Variants in BPI observed in about 807,000 individuals in gnomAD.
BPI encodes the protein bactericidal permeability-increasing protein.
Under a neutral mutation model 57.6 loss-of-function variants are expected in BPI, and 48 were observed. The ratio of observed to expected loss-of-function variants is 0.83; its 90% CI spans 0.66 to 1.06. The LOEUF is 1.06. BPI is among the 50% of genes least tolerant of loss of function. BPI has a pLI of 0.00. For synonymous variants in BPI, 237 were observed against 238.2 expected, an observed-to-expected ratio of 0.99 and a Z score of 0.05; for missense variants, 651 against 609.7, an observed-to-expected ratio of 1.07 and a Z score of -0.71.
chr20:38,304,244 C>T lies in BPI; in HGVS notation c.21C>T (p.Asn7=), dbSNP rs532589861. 2.9e-5 allele frequency: 47 copies of T among 1,614,166 alleles called. No homozygotes were observed. Among genetic ancestry groups the T allele is most frequent in the Admixed American group, 8.3e-5 (5 of 60,026 alleles). MARGPC[N]APRWASLMVL... Reference sequence around the variant, plus strand: ...AGAACATGGCCAGGGGCCCTTGCAACGCGCCGAGATGGGCGTCCCTGATGG... The same window carrying T: ...AGAACATGGCCAGGGGCCCTTGCAATGCGCCGAGATGGGCGTCCCTGATGG... Residue 7 remains asparagine (N), a synonymous_variant, in exon 1 of 15, where the codon AAC becomes AAT. Transcript: ENST00000642449.
intron 3 of BPI, among the ~76,000 whole-genome samples, chr20:38,309,864 C>A (rs2076613894): frequency 6.6e-6 from 1 of 152,104 alleles, no homozygotes; most frequent in African/African-American, 2.4e-5. Flanking sequence ...GGAGGAGAAA[C>A]CACCCTGGCG....
At chr20:38,328,571 G>A (rs1307755868) in intron 11 of BPI, among the ~76,000 whole-genome samples, 5 of 151,758 alleles carry the variant, frequency 3.3e-5, no homozygotes, top group Admixed American at 3.3e-4. Flanking sequence ...AATAAGCCCA[G>A]TAATTACTTT....
At chr20:38,326,187 G>A in intron 9 of BPI, 78 bp from the exon 10 acceptor site, 1 of 1,427,576 alleles carries the variant, frequency 7.0e-7, no homozygotes, top group Non-Finnish European at 9.5e-7. Context: ...ATTTAAGTAG[G>A]GGCAGGCCAA....
intron 5 of BPI, among the ~76,000 whole-genome samples, chr20:38,313,002 GT>G (rs2122505057): frequency 1.3e-5 from 2 of 152,288 alleles, no homozygotes; most frequent in South Asian, 2.1e-4. Context: ...CTCAGGGAAG[GT>G]TTTGGCTTGG....
At chr20:38,310,170 T>C (rs2122497894) in intron 3 of BPI, among the ~76,000 whole-genome samples, 1 of 152,328 alleles carries the variant, frequency 6.6e-6, no homozygotes, top group South Asian at 2.1e-4. Context: ...GGTGTCTGAC[T>C]GCTGATCCAG....
At chr20:38,315,725 C>A (rs1282072857) in intron 5 of BPI, among the ~76,000 whole-genome samples, 1 of 152,034 alleles carries the variant, frequency 6.6e-6, no homozygotes, top group Non-Finnish European at 1.5e-5. Context: ...TTTTCTCCTT[C>A]CCTCCTTCTC....
intron 5 of BPI, among the ~76,000 whole-genome samples, chr20:38,312,960 G>A (rs1056805854): frequency 2.6e-5 from 4 of 152,196 alleles, no homozygotes; most frequent in Non-Finnish European, 5.9e-5. Context: ...CAATGAGCAG[G>A]ACATTCCCCA....
At chr20:38,334,720 C>A (rs1204480972) in intron 13 of BPI, among the ~76,000 whole-genome samples, 1 of 152,196 alleles carries the variant, frequency 6.6e-6, no homozygotes, top group African/African-American at 2.4e-5. Context: ...TTTGTCCTTA[C>A]AAAACCCCCA....
rs1600698062 is a variant in BPI at position 38,308,803 on chromosome 20, C to A, written c.246-127C>A. ...AGCCTGCTTTCTTAGCTTTGGGCTC[C>A]TCCTGGAATGGATGGAGTGAAGGAC... On this transcript the variant is annotated intron_variant, in intron 2 of 14. Coordinates refer to ENST00000642449, the MANE Select transcript of BPI (RefSeq NM_001725.3). 1.3e-5 allele frequency: 17 copies of A among 1,301,590 alleles called. No individual in the cohort carries two copies. The East Asian group carries it at 4.0e-4, about 31-fold the overall frequency. 80.6% of individuals were successfully genotyped at this position (1,301,590 alleles called of 1,614,324 possible). A position where few individuals can be genotyped will look rare whatever the true frequency, so the allele number is the denominator to read the frequency against.
intron 5 of BPI, among the ~76,000 whole-genome samples, chr20:38,313,745 A>T (rs1456641892): frequency 6.6e-6 from 1 of 150,946 alleles, no homozygotes; most frequent in Non-Finnish European, 1.5e-5. Flanking sequence ...GGTGAGGATG[A>T]TAATGGTGAT....
chr20:38,320,661 T>TAC (rs369329923), intron 7 of BPI, among the ~76,000 whole-genome samples: 8,660 of 130,774 alleles, frequency 0.066, 348 homozygotes, highest in East Asian at 0.23. Context: ...TTATTACCAA[T>TAC]ACACACACAC....
chr20:38,334,714 T>C (rs2076758674), intron 13 of BPI, among the ~76,000 whole-genome samples: 2 of 152,172 alleles, frequency 1.3e-5, no homozygotes, highest in Admixed American at 1.3e-4. Context: ...CGTGAGTTTG[T>C]CCTTACAAAA....
chr20:38,305,306 GAC>G (rs775586774), intron 1 of BPI, among the ~76,000 whole-genome samples: 1 of 152,156 alleles, frequency 6.6e-6, no homozygotes. Context: ...GAAGCCTGTC[GAC>G]ACAGAGGCTC....
intron 5 of BPI, among the ~76,000 whole-genome samples, chr20:38,314,526 G>A (rs1412179138): frequency 1.4e-5 from 2 of 140,830 alleles, no homozygotes; most frequent in Non-Finnish European, 3.1e-5. Context: ...GGTGATGGTA[G>A]GGATGATGAT....
intron 5 of BPI, chr20:38,317,965 A>G (rs1269476878): frequency 3.0e-6 from 3 of 985,230 alleles, no homozygotes; most frequent in African/African-American, 3.5e-5. Flanking sequence ...GTGCCCACCT[A>G]GACTTAAGCA....
chr20:38,335,458 C>A, intron 13 of BPI, 140 bp from the exon 14 acceptor site: 1 of 729,512 alleles, frequency 1.4e-6, no homozygotes, highest in African/African-American at 1.8e-5. Context: ...TCCTTTCAGG[C>A]ATGTATGCCC....
intron 14 of BPI, 130 bp downstream of exon 14, chr20:38,335,804 T>A (rs2076765050): frequency 1.2e-6 from 1 of 843,184 alleles, no homozygotes; most frequent in Non-Finnish European, 1.9e-6. Context: ...CTCTGGGATG[T>A]GGGTGCTGTT....
At chr20:38,332,719 G>T (rs1403217263) in intron 12 of BPI, among the ~76,000 whole-genome samples, 2 of 152,122 alleles carry the variant, frequency 1.3e-5, no homozygotes, top group Non-Finnish European at 2.9e-5. Flanking sequence ...AGAGCAGGGA[G>T]AAACCCAGCT....
intron 8 of BPI, among the ~76,000 whole-genome samples, chr20:38,324,517 T>C (rs2076702284): frequency 6.6e-6 from 1 of 152,106 alleles, no homozygotes; most frequent in African/African-American, 2.4e-5. Flanking sequence ...TGCAGGCAGA[T>C]TGGGCTTTCT....
Sources: gnomAD v4.1 joint callset for allele counts (sites outside exome capture counted in the v4.1 genomes callset) on GRCh38, gnomAD v4.1.1 for gene constraint, MANE v1.5 for transcripts, NCBI Gene and HGNC (gene_info 2026-07-23, HGNC 2026-07-21) for gene names.